The following NKD1 variants were observed in gnomAD, a reference collection of about 807,000 sequenced individuals.
NKD1 encodes NKD inhibitor of Wnt signaling pathway 1, also known as protein naked cuticle homolog 1.
Under a neutral mutation model 56.0 loss-of-function variants are expected in NKD1, and 21 were observed. The observed-to-expected ratio is 0.38, with a 90% CI of 0.27 to 0.54. The LOEUF is 0.54. Ranked by LOEUF, NKD1 falls within the 20% of genes least tolerant of loss-of-function variation. NKD1 has a pLI of 0.82. For missense variants in NKD1, 578 were observed against 642.7 expected (o/e 0.90, Z 1.09); for synonymous variants, 263 against 265.7 (o/e 0.99, Z 0.10).
intron 3 of NKD1, among the ~76,000 whole-genome samples, chr16:50,573,439 C>T (rs1456083838): frequency 6.6e-6 from 1 of 152,240 alleles, no homozygotes; most frequent in Admixed American, 6.5e-5. Flanking sequence ...TCTTCTTCAT[C>T]CCCTTGACCT....
At chr16:50,578,746 C>G (rs1048248372) in intron 3 of NKD1, among the ~76,000 whole-genome samples, 4 of 152,142 alleles carry the variant, frequency 2.6e-5, no homozygotes. Flanking sequence ...TGTAGTTCTC[C>G]TGGGCAGCTT....
chr16:50,588,538 ATCCCAGTGC>A (rs1394158008), intron 3 of NKD1, among the ~76,000 whole-genome samples: 1 of 151,056 alleles, frequency 6.6e-6, no homozygotes, highest in African/African-American at 2.4e-5. Context: ...CTGGGTTGAA[ATCCCAGTGC>A]TGCCACTTGT....
intron 3 of NKD1, among the ~76,000 whole-genome samples, chr16:50,567,875 C>T (rs1314413070): frequency 6.6e-6 from 1 of 152,264 alleles, no homozygotes; most frequent in Admixed American, 6.5e-5. Context: ...GACATGACTT[C>T]ATGAGCTTGT....
intron 4 of NKD1, among the ~76,000 whole-genome samples, chr16:50,608,977 C>T (rs1367470477): frequency 6.6e-6 from 1 of 152,228 alleles, no homozygotes; most frequent in Non-Finnish European, 1.5e-5. Flanking sequence ...TTGCATGCCA[C>T]CATGCCAAGC....
chr16:50,621,791 C>T (rs1289489164), intron 5 of NKD1, 83 bp downstream of exon 5: 1 of 1,019,022 alleles, frequency 9.8e-7, no homozygotes, highest in Non-Finnish European at 1.5e-6. Flanking sequence ...GAAGCTGAGG[C>T]TCTTCCAGAC....
At chr16:50,580,612 C>G (rs1272039196) in intron 3 of NKD1, among the ~76,000 whole-genome samples, 2 of 152,236 alleles carry the variant, frequency 1.3e-5, no homozygotes, top group East Asian at 1.9e-4. Context: ...TGAGCTGACT[C>G]TAGCTCCCAG....
intron 3 of NKD1, among the ~76,000 whole-genome samples, chr16:50,568,228 G>A (rs2151265921): frequency 6.6e-6 from 1 of 152,350 alleles, no homozygotes; most frequent in South Asian, 2.1e-4. Context: ...GGGATTTGGG[G>A]CTTATTTTGC....
At position 50,639,979 on chromosome 16, in the gene NKD1, T is replaced by G. The variant is rs988977834; in HGVS notation, c.*6198T>G. 7 of 152,270 alleles carry G rather than the reference T, an allele frequency of 4.6e-5. No individual in the cohort carries two copies. In the East Asian group the frequency reaches 1.3e-3, roughly 29 times the overall value. 9.4% of individuals were successfully genotyped at this position (152,270 alleles called of 1,614,324 possible). A position where few individuals can be genotyped will look rare whatever the true frequency, so the allele number is the denominator to read the frequency against. On this transcript the variant is annotated 3_prime_UTR_variant, in exon 10 of 10. Coordinates refer to ENST00000268459, the MANE Select transcript of NKD1 (RefSeq NM_033119.5). ...GTTGCGACTACCAGCTGTCTCATTT[T>G]GCTGTACTGCAAACTCAGGCTTGGT...
chr16:50,567,692 CCA>C (rs919159194), intron 3 of NKD1, among the ~76,000 whole-genome samples: 96 of 152,228 alleles, frequency 6.3e-4, no homozygotes, highest in African/African-American at 2.2e-3. Context: ...CTTTCTGGCC[CCA>C]GATCCCAGCC....
At chr16:50,607,127 CT>C in intron 3 of NKD1, 1 of 422,916 alleles carries the variant, frequency 2.4e-6, no homozygotes, top group Non-Finnish European at 4.8e-6. Flanking sequence ...ATTTTAACAG[CT>C]TTTAAGAAAG....
intron 3 of NKD1, among the ~76,000 whole-genome samples, chr16:50,561,602 T>C (rs1470038333): frequency 1.3e-5 from 2 of 152,154 alleles, no homozygotes; most frequent in African/African-American, 4.8e-5. Context: ...TGGCCTCACC[T>C]CATGAGTAGC....
At chr16:50,584,406 C>G (rs1158003518) in intron 3 of NKD1, among the ~76,000 whole-genome samples, 1 of 152,212 alleles carries the variant, frequency 6.6e-6, no homozygotes, top group Non-Finnish European at 1.5e-5. Flanking sequence ...TAGGCATGAA[C>G]AAATTAGTAC....
At position 50,630,875 on chromosome 16, in the gene NKD1, G is replaced by T; in HGVS notation, c.660G>T (p.Leu220=). The T allele has an allele frequency of 6.2e-7, 1 of 1,606,328 alleles. No homozygotes were observed. The change falls in exon 8 of 10, where the codon CTG becomes CTT. Residue 220 remains leucine, a synonymous_variant. Transcript: ENST00000268459. ...CAGAGACCAAGCCCACTGAGGACCT[G>T]CGGAGCTGGGAGAAGAAGCAGCGAG... ...PRAETKPTED[L]RSWEKKQRAP...
In NKD1 at chr16:50,638,740, T is replaced by A. The variant is rs1962520944; in HGVS notation, c.*4959T>A. ...ATGTATTTCCCTACAAAGGGCTTTC[T>A]ATACCTAGCATCTGCCTCCAGCATG... On this transcript the variant is annotated 3_prime_UTR_variant, in exon 10 of 10. Transcript: ENST00000268459. 6.6e-6 allele frequency: 1 copy of A among 152,264 alleles called. No homozygotes were observed. Among genetic ancestry groups the A allele is most frequent in the African/African-American group, 2.4e-5 (1 of 41,464 alleles). 9.4% of individuals were successfully genotyped at this position (152,264 alleles called of 1,614,324 possible).
At chr16:50,614,464 C>G (rs958505599) in intron 4 of NKD1, among the ~76,000 whole-genome samples, 1 of 152,156 alleles carries the variant, frequency 6.6e-6, no homozygotes, top group Non-Finnish European at 1.5e-5. Flanking sequence ...TCCCTCTGTC[C>G]CCTGGTGGCT....
At chr16:50,562,986 A>ACCCCC (rs1307651263) in intron 3 of NKD1, among the ~76,000 whole-genome samples, 5 of 60,434 alleles carry the variant, frequency 8.3e-5, no homozygotes, top group Non-Finnish European at 1.2e-4. Flanking sequence ...TCCCACCACC[A>ACCCCC]CCCCCCCCCC....
At chr16:50,615,864 A>G (rs573536608) in intron 4 of NKD1, among the ~76,000 whole-genome samples, 2 of 152,310 alleles carry the variant, frequency 1.3e-5, no homozygotes, top group East Asian at 3.9e-4. Flanking sequence ...GGCTGTGTTT[A>G]CAAACAGAGG....
Position 50,635,113 on chromosome 16 carries a change from ATGAGAGTG to A in NKD1, c.*1333_*1340del, listed in dbSNP as rs1034971433. 5.9e-5 allele frequency: 9 copies of A among 152,238 alleles called. No individual in the cohort carries two copies. Among genetic ancestry groups the A allele is most frequent in the African/African-American group, 2.2e-4 (9 of 41,452 alleles). The allele number at this position is 152,238 out of a possible 1,614,324, so 9.4% of individuals were successfully genotyped here. On this transcript the variant is annotated 3_prime_UTR_variant, in exon 10 of 10. Transcript: ENST00000268459. This position sits in a 1 kb window ranked among gnomAD's most constrained non-coding sequence, Gnocchi z 4.1. ...TTACAAAGTGTGGGCTAAGCCTCCC[ATGAGAGTG>A]CAGAACCCTGGGGCTAGCAGTGTGG... is the stretch of plus-strand genomic sequence containing the variant.
chr16:50,610,734 C>A (rs919787372), intron 4 of NKD1, among the ~76,000 whole-genome samples: 4 of 152,188 alleles, frequency 2.6e-5, no homozygotes, highest in African/African-American at 4.8e-5. Context: ...TTAGCTCCCG[C>A]GTTGTTATGT....
Sources: allele counts gnomAD v4.1 joint callset (sites outside exome capture counted in the v4.1 genomes callset), GRCh38; gene constraint gnomAD v4.1.1; non-coding constraint Gnocchi (gnomAD v3.1); transcripts MANE v1.5; gene names NCBI Gene and HGNC (gene_info 2026-07-23, HGNC 2026-07-21).